The following AFAP1L1 variants were observed in gnomAD, a reference collection of about 807,000 sequenced individuals.
AFAP1L1 encodes actin filament-associated protein 1-like 1.
In AFAP1L1, 77 loss-of-function variants were observed where a neutral mutation model predicts 99.8. The ratio of observed to expected loss-of-function variants is 0.77; its 90% CI spans 0.64 to 0.93. The LOEUF is 0.93. Among genes scored for constraint, AFAP1L1 ranks in the 40% least tolerant of loss-of-function variants. AFAP1L1 has a pLI of 0.00. For synonymous variants in AFAP1L1, 373 were observed against 395.3 expected (o/e 0.94, Z 0.67); for missense variants, 893 against 996.8 (o/e 0.90, Z 1.40).
chr5:149,307,639 C>T, intron 7 of AFAP1L1, 26 bp downstream of exon 7: 1 of 1,607,444 alleles, frequency 6.2e-7, no homozygotes, highest in South Asian at 1.1e-5. Flanking sequence ...CAGCCATGTG[C>T]CTCGGCCTCA....
rs1488876446 is a variant in AFAP1L1 at position 149,343,242 on chromosome 5, A to G, written c.*3212A>G. ...TCATGGAACTCAGAGACAAGCAGGA[A>G]AGAAAATGTGACCCAAATAACTACA... is the stretch of plus-strand genomic sequence containing the variant. On this transcript the variant is annotated 3_prime_UTR_variant, in exon 19 of 19. Coordinates refer to ENST00000296721, the MANE Select transcript of AFAP1L1 (RefSeq NM_152406.4). 2.0e-5 allele frequency among the ~76,000 whole-genome samples: 3 copies of G among 152,168 alleles called. No individual in the cohort carries two copies. Among genetic ancestry groups the G allele is most frequent in the Admixed American group, 6.5e-5 (1 of 15,270 alleles).
chr5:149,276,625 A>G (rs919715967), intron 1 of AFAP1L1: 7 of 152,184 alleles, frequency 4.6e-5, no homozygotes, highest in Admixed American at 1.3e-4. Flanking sequence ...AATACCTAGC[A>G]TAGGGGATCC....
In AFAP1L1 at chr5:149,317,096, T is replaced by C. The variant is rs150152844; in HGVS notation, c.1268-633T>C. On this transcript the variant is annotated intron_variant, in intron 11 of 18. Transcript: ENST00000296721. ...GGGAGGAACACTTGAGCCCAGGAGG[T>C]TGAGGCTGCAGTGAGCCGTGATAGA... is the stretch of plus-strand genomic sequence containing the variant. Among the ~76,000 whole-genome samples the C allele has an allele frequency of 9.6e-3, 1,458 of 152,182 alleles. 35 individuals are homozygous for C. The highest frequency in any genetic ancestry group is 0.034 in the African/African-American group (1,404 of 41,512).
intron 12 of AFAP1L1, among the ~76,000 whole-genome samples, chr5:149,319,334 CTCTG>C (rs1260261676): frequency 6.6e-6 from 1 of 152,074 alleles, no homozygotes; most frequent in Admixed American, 6.6e-5. Context: ...GCAGGGAGGC[CTCTG>C]TCTTAGAGAG....
intron 1 of AFAP1L1, 122 bp downstream of exon 1, chr5:149,272,106 T>C (rs1581275703): frequency 2.0e-6 from 2 of 1,007,018 alleles, no homozygotes; most frequent in East Asian, 3.3e-5. Flanking sequence ...TGAGGAACGC[T>C]CGGAGGGGAC....
chr5:149,314,945 T>C (rs969852819), intron 9 of AFAP1L1, among the ~76,000 whole-genome samples: 1 of 152,198 alleles, frequency 6.6e-6, no homozygotes, highest in Non-Finnish European at 1.5e-5. Flanking sequence ...ATACAGTCCA[T>C]GGGCCTTCAC....
At chr5:149,306,439 G>A (rs775194668) in intron 6 of AFAP1L1, 35 bp downstream of exon 6, 73 of 1,562,960 alleles carry the variant, frequency 4.7e-5, no homozygotes, top group Non-Finnish European at 6.1e-5. Flanking sequence ...TGCTGGGCAG[G>A]GCTTCTGCCC....
intron 15 of AFAP1L1, among the ~76,000 whole-genome samples, chr5:149,326,123 C>G (rs1210203460): frequency 2.0e-5 from 3 of 152,168 alleles, no homozygotes; most frequent in African/African-American, 7.2e-5. Flanking sequence ...TTAGTTGGAA[C>G]AGAGTGTGGG....
chr5:149,292,899 C>T (rs903015138), intron 1 of AFAP1L1, among the ~76,000 whole-genome samples: 2 of 152,168 alleles, frequency 1.3e-5, no homozygotes, highest in African/African-American at 2.4e-5. Flanking sequence ...TCCTGGGTTG[C>T]GTTACTACCC....
Position 149,310,121 on chromosome 5 carries a change from G to T in AFAP1L1, c.913G>T (p.Glu305Ter), listed in dbSNP as rs567317757. The T allele has an allele frequency of 1.9e-6, 3 of 1,603,308 alleles. No homozygotes were observed. Among genetic ancestry groups the T allele is most frequent in the Non-Finnish European group, 2.6e-6 (3 of 1,173,922 alleles). Residue 305 changes from glutamate (E) to a stop codon, truncating the protein, a stop_gained, in exon 8 of 19, where the codon GAG (glutamate) becomes TAG (stop). Coordinates refer to ENST00000296721, the MANE Select transcript of AFAP1L1 (RefSeq NM_152406.4). LOFTEE classifies it high-confidence loss of function. ...GGCACTGCAGAGCCGAGAGCAGGCC[G>T]AGGAGTGGCTGAAGGTGCGTGGCCT... ...VLALQSREQA[E>*]EWLKVIREVS...
intron 5 of AFAP1L1, 153 bp downstream of exon 5, chr5:149,302,679 G>C (rs1756267553): frequency 1.5e-6 from 1 of 657,702 alleles, no homozygotes; most frequent in South Asian, 2.3e-5. Context: ...CTGGGCACCT[G>C]GCCTCTTCGG....
intron 18 of AFAP1L1, among the ~76,000 whole-genome samples, chr5:149,339,559 G>A (rs907315529): frequency 6.6e-6 from 1 of 152,080 alleles, no homozygotes; most frequent in Admixed American, 6.5e-5. Context: ...TGAGATAGTC[G>A]TCTTCTTTTG....
chr5:149,320,485 C>A lies in AFAP1L1; in HGVS notation c.1698+22C>A. On this transcript the variant is annotated intron_variant, in intron 14 of 18. Transcript: ENST00000296721. The surrounding 1 kb of genome is among the most constrained non-coding windows in gnomAD (Gnocchi z 4.0). ...GCAGGTACAGTCCCTTGGGGCTGCCCAGGAATGTGGCAAAGGCCACTTATT... is the reference window on the plus strand; with the variant it reads ...GCAGGTACAGTCCCTTGGGGCTGCCAAGGAATGTGGCAAAGGCCACTTATT... 1.2e-6 allele frequency: 2 copies of A among 1,612,264 alleles called. No homozygotes were observed. The highest frequency in any genetic ancestry group is 4.5e-5 in the East Asian group (2 of 44,878).
At position 149,329,658 on chromosome 5, in the gene AFAP1L1, C is replaced by T. The variant is rs749864226; in HGVS notation, c.1811-8C>T. The T allele has an allele frequency of 4.3e-6, 7 of 1,610,534 alleles. No individual in the cohort carries two copies. The highest frequency in any genetic ancestry group is 3.3e-5 in the South Asian group (3 of 90,316). ...CTGAGGGCCTTTCCCTTCCCCATAT[C>T]TCTGCAGGTGCCAATCAATACAAGT... On this transcript the variant is annotated splice_region_variant and splice_polypyrimidine_tract_variant and intron_variant, in intron 15 of 18. Transcript: ENST00000296721.
At chr5:149,304,760 G>T (rs913746862) in intron 5 of AFAP1L1, among the ~76,000 whole-genome samples, 1 of 152,146 alleles carries the variant, frequency 6.6e-6, no homozygotes, top group African/African-American at 2.4e-5. Flanking sequence ...GATGTCCAGC[G>T]TCTGAGGCCT....
chr5:149,286,684 T>G (rs1256374777), intron 1 of AFAP1L1, among the ~76,000 whole-genome samples: 1 of 152,186 alleles, frequency 6.6e-6, no homozygotes, highest in Non-Finnish European at 1.5e-5. Context: ...ATTTACTGAT[T>G]TATAAAATTT....
intron 4 of AFAP1L1, among the ~76,000 whole-genome samples, chr5:149,301,618 C>T (rs532682368): frequency 1.3e-5 from 2 of 152,068 alleles, no homozygotes; most frequent in Non-Finnish European, 2.9e-5. Flanking sequence ...GTTGGGTGAC[C>T]TCTGCCCACC....
At chr5:149,321,459 G>A (rs1449028961) in intron 14 of AFAP1L1, among the ~76,000 whole-genome samples, 1 of 152,182 alleles carries the variant, frequency 6.6e-6, no homozygotes, top group African/African-American at 2.4e-5. Flanking sequence ...GGGTGCCGTG[G>A]CTCATGCCTA....
In AFAP1L1 at chr5:149,339,668, C is replaced by T. The variant is rs1757505961; in HGVS notation, c.2284-339C>T. Among the ~76,000 whole-genome samples, 7 of 152,314 alleles carry T rather than the reference C, an allele frequency of 4.6e-5. No individual in the cohort carries two copies. The South Asian group carries it at 1.5e-3, about 32-fold the overall frequency. Reference sequence around the variant, plus strand: ...CACAGACTATCATTTACCAGCCTTTCATCTAAAGCCTTTCAGGCCACTGAG... The same window carrying T: ...CACAGACTATCATTTACCAGCCTTTTATCTAAAGCCTTTCAGGCCACTGAG... On this transcript the variant is annotated intron_variant, in intron 18 of 18. Transcript: ENST00000296721.
Sources: allele counts gnomAD v4.1 joint callset (sites outside exome capture counted in the v4.1 genomes callset), GRCh38; gene constraint gnomAD v4.1.1; non-coding constraint Gnocchi (gnomAD v3.1); transcripts MANE v1.5; gene names NCBI Gene and HGNC (gene_info 2026-07-23, HGNC 2026-07-21).